The following PTPRD variants were observed in gnomAD, a reference collection of about 807,000 sequenced individuals.
The protein encoded by PTPRD is protein tyrosine phosphatase receptor type D.
PTPRD carries 34 observed loss-of-function variants against 214.5 expected under a neutral mutation model. That is an observed-to-expected ratio of 0.16 (90% CI 0.12 to 0.21). The LOEUF (loss-of-function observed/expected upper bound fraction) is 0.21, where lower values mean the gene tolerates loss of function less well. Ranked by LOEUF, PTPRD falls within the 10% of genes least tolerant of loss-of-function variation. PTPRD has a pLI of 1.00. For synonymous variants in PTPRD, 1,128 were observed against 845.7 expected, an observed-to-expected ratio of 1.33 and a Z score of -5.79; for missense variants, 2,545 against 2,398.7, an observed-to-expected ratio of 1.06 and a Z score of -1.27.
At chr9:10,338,835 A>G (rs1464721297) in intron 3 of PTPRD, among the ~76,000 whole-genome samples, 1 of 151,714 alleles carries the variant, frequency 6.6e-6, no homozygotes, top group Non-Finnish European at 1.5e-5. Flanking sequence ...GAGATTCAAT[A>G]TAGAATGGAT....
At chr9:9,385,739 A>G (rs1309916550) in intron 9 of PTPRD, among the ~76,000 whole-genome samples, 2 of 152,214 alleles carry the variant, frequency 1.3e-5, no homozygotes, top group Non-Finnish European at 2.9e-5. Flanking sequence ...TTTAATATAC[A>G]TTAACTCATT....
chr9:9,492,679 A>G (rs968336861), intron 8 of PTPRD, among the ~76,000 whole-genome samples: 5 of 151,826 alleles, frequency 3.3e-5, no homozygotes, highest in African/African-American at 9.7e-5. Context: ...ACGTACAGGC[A>G]TACCTTGTTT....
chr9:10,239,431 G>T (rs778983297), intron 3 of PTPRD, among the ~76,000 whole-genome samples: 5 of 151,842 alleles, frequency 3.3e-5, no homozygotes, highest in Non-Finnish European at 7.4e-5. Context: ...TAAAATAAAA[G>T]AAATTTAACT....
chr9:10,508,262 G>C (rs943008232), intron 2 of PTPRD, among the ~76,000 whole-genome samples: 2 of 152,114 alleles, frequency 1.3e-5, no homozygotes, highest in African/African-American at 4.8e-5. Flanking sequence ...TCTCACACCA[G>C]TTAGAATGGC....
chr9:8,714,042 CA>C (rs1479266384), intron 12 of PTPRD, among the ~76,000 whole-genome samples: 1 of 152,138 alleles, frequency 6.6e-6, no homozygotes, highest in East Asian at 1.9e-4. Context: ...AGTATCCTGG[CA>C]AGAAATTTAC....
chr9:9,014,459 A>G (rs572638470), intron 11 of PTPRD, among the ~76,000 whole-genome samples: 2 of 152,234 alleles, frequency 1.3e-5, no homozygotes, highest in East Asian at 3.9e-4. Flanking sequence ...CAGTTTTATA[A>G]AAGTGTTAAT....
intron 10 of PTPRD, among the ~76,000 whole-genome samples, chr9:9,088,607 A>AAAAAAAAAAAAAG (rs1569536884): frequency 6.7e-6 from 1 of 148,576 alleles, no homozygotes; most frequent in African/African-American, 2.5e-5. Context: ...AAAAAAAAAA[A>AAAAAAAAAAAAAG]AAGAAGTCTG....
chr9:8,943,823 C>G (rs2099048085), intron 11 of PTPRD, among the ~76,000 whole-genome samples: 1 of 151,144 alleles, frequency 6.6e-6, no homozygotes, highest in East Asian at 2.0e-4. Context: ...GGAAGAAACT[C>G]AAAGACATTG....
intron 2 of PTPRD, among the ~76,000 whole-genome samples, chr9:10,421,763 T>C: frequency 6.6e-6 from 1 of 151,942 alleles, no homozygotes; most frequent in East Asian, 1.9e-4. Flanking sequence ...ACTTTATTAC[T>C]GTTTTTCATT....
chr9:9,058,551 G>A (rs1162375687), intron 10 of PTPRD, among the ~76,000 whole-genome samples: 1 of 136,064 alleles, frequency 7.3e-6, no homozygotes, highest in Non-Finnish European at 1.5e-5. Context: ...TGGGGTTCAC[G>A]CCATTCTCCT....
chr9:9,783,919 C>T (rs4740989), intron 5 of PTPRD, among the ~76,000 whole-genome samples: 13,167 of 150,650 alleles, frequency 0.087, 701 homozygotes, highest in South Asian at 0.21. Context: ...CTGAAGGCAA[C>T]TGCCAGAGAC....
intron 12 of PTPRD, among the ~76,000 whole-genome samples, chr9:8,722,120 ACT>A (rs2098505831): frequency 1.9e-5 from 2 of 103,994 alleles, no homozygotes; most frequent in South Asian, 3.6e-4. Context: ...ATTAAGTATT[ACT>A]CTGTGTGTGT....
At chr9:9,996,392 A>T (rs1054602568) in intron 4 of PTPRD, among the ~76,000 whole-genome samples, 2 of 152,280 alleles carry the variant, frequency 1.3e-5, no homozygotes, top group South Asian at 2.1e-4. Context: ...AGTATGGGAG[A>T]GGCTGATAAA....
At chr9:9,689,313 C>T (rs2097220908) in intron 7 of PTPRD, among the ~76,000 whole-genome samples, 1 of 151,654 alleles carries the variant, frequency 6.6e-6, no homozygotes. Flanking sequence ...TTAATCATTC[C>T]AGAAATAACA....
intron 8 of PTPRD, among the ~76,000 whole-genome samples, chr9:9,495,558 A>G (rs2096139584): frequency 6.8e-6 from 1 of 147,584 alleles, no homozygotes; most frequent in South Asian, 2.1e-4. Flanking sequence ...CCTCAGGGAG[A>G]TGGCTGGACC....
At chr9:10,134,324 G>A (rs1428798897) in intron 3 of PTPRD, among the ~76,000 whole-genome samples, 2 of 152,178 alleles carry the variant, frequency 1.3e-5, no homozygotes, top group African/African-American at 2.4e-5. Context: ...GGAAATATGG[G>A]TGTGGCACCA....
chr9:10,294,768 T>G (rs1272540453), intron 3 of PTPRD, among the ~76,000 whole-genome samples: 1 of 151,976 alleles, frequency 6.6e-6, no homozygotes, highest in African/African-American at 2.4e-5. Context: ...GTCCTTTCAC[T>G]TCAGGCCAGT....
chr9:8,614,082 T>C (rs1317469983), intron 14 of PTPRD, among the ~76,000 whole-genome samples: 4 of 152,150 alleles, frequency 2.6e-5, no homozygotes, highest in Admixed American at 2.6e-4. Flanking sequence ...TAATATACTG[T>C]CATTCAGATG....
chr9:9,060,092 C>G (rs2099704331), intron 10 of PTPRD, among the ~76,000 whole-genome samples: 1 of 152,118 alleles, frequency 6.6e-6, no homozygotes, highest in South Asian at 2.1e-4. Flanking sequence ...CTAAGAATAG[C>G]TAAACTATTC....
Sources: allele counts gnomAD v4.1 joint callset (sites outside exome capture counted in the v4.1 genomes callset), GRCh38; gene constraint gnomAD v4.1.1; transcripts MANE v1.5; gene names NCBI Gene and HGNC (gene_info 2026-07-23, HGNC 2026-07-21).